The following FYN variants were observed in gnomAD, a reference collection of about 807,000 sequenced individuals.
FYN encodes FYN proto-oncogene, Src family tyrosine kinase.
Under a neutral mutation model 70.2 loss-of-function variants are expected in FYN, and 10 were observed. That is an observed-to-expected ratio of 0.14 (90% CI 0.09 to 0.24). The LOEUF is 0.24. Ranked by LOEUF, FYN falls within the 10% of genes least tolerant of loss-of-function variation. FYN has a pLI of 1.00. For synonymous variants in FYN, 236 were observed against 248.6 expected, an observed-to-expected ratio of 0.95 and a Z score of 0.48; for missense variants, 319 against 673.1, an observed-to-expected ratio of 0.47 and a Z score of 5.82.
intron 9 of FYN, among the ~76,000 whole-genome samples, chr6:111,698,220 A>T (rs1583323146): frequency 6.6e-6 from 1 of 151,490 alleles, no homozygotes; most frequent in Non-Finnish European, 1.5e-5. Flanking sequence ...CGCAACCTCC[A>T]CCTCCCAGGT....
At chr6:111,680,997 C>G (rs1039675798) in intron 12 of FYN, among the ~76,000 whole-genome samples, 4 of 151,956 alleles carry the variant, frequency 2.6e-5, no homozygotes, top group African/African-American at 7.3e-5. Flanking sequence ...GCTAGATGTG[C>G]ACCACCATGC....
At chr6:111,746,847 G>A (rs993202259) in intron 3 of FYN, among the ~76,000 whole-genome samples, 2 of 151,888 alleles carry the variant, frequency 1.3e-5, no homozygotes, top group Non-Finnish European at 2.9e-5. Context: ...GAGAAAGGAA[G>A]GGGGGAAGGA....
intron 6 of FYN, among the ~76,000 whole-genome samples, chr6:111,704,647 G>T (rs563644118): frequency 6.6e-6 from 1 of 151,476 alleles, no homozygotes; most frequent in Admixed American, 6.6e-5. Flanking sequence ...CCAGGTACTC[G>T]GGAGGCTGAG....
intron 2 of FYN, among the ~76,000 whole-genome samples, chr6:111,839,795 T>G (rs1773299457): frequency 6.6e-6 from 1 of 152,150 alleles, no homozygotes; most frequent in African/African-American, 2.4e-5. Flanking sequence ...ACCTAGAGGC[T>G]TGTATCACCA....
intron 1 of FYN, among the ~76,000 whole-genome samples, chr6:111,852,866 G>A (rs1396080689): frequency 2.0e-5 from 3 of 152,114 alleles, no homozygotes; most frequent in East Asian, 1.9e-4. Context: ...CCATGGAAAC[G>A]ATGTCATAGT....
In FYN at chr6:111,846,725, T is replaced by G. The variant is rs1243611791; in HGVS notation, c.-122-96A>C. On this transcript the variant is annotated intron_variant, in intron 1 of 13. Coordinates refer to ENST00000354650, the MANE Select transcript of FYN (RefSeq NM_002037.5). ...CAAAGCACCACCATAGAATTTCCAT[T>G]TGTTGCAGACAATCAATTTGCCCAC... 7 of 398,056 alleles carry G rather than the reference T, an allele frequency of 1.8e-5. No homozygotes were observed. The East Asian group carries it at 2.5e-4, about 14-fold the overall frequency. The allele number at this position is 398,056 out of a possible 1,614,324, so 24.7% of individuals were successfully genotyped here.
chr6:111,700,434 C>T (rs1382748396), intron 8 of FYN, among the ~76,000 whole-genome samples, 166 bp from the exon 9 acceptor site: 1 of 152,176 alleles, frequency 6.6e-6, no homozygotes, highest in South Asian at 2.1e-4. Context: ...GCACACAGCG[C>T]TCCTTAAACA....
intron 2 of FYN, among the ~76,000 whole-genome samples, chr6:111,839,429 A>G (rs969696282): frequency 3.3e-5 from 5 of 152,096 alleles, no homozygotes; most frequent in Non-Finnish European, 7.4e-5. Flanking sequence ...TATCACACAT[A>G]AGCTCAATGC....
chr6:111,764,180 G>A (rs1288073909), intron 3 of FYN, among the ~76,000 whole-genome samples: 4 of 25,630 alleles, frequency 1.6e-4, no homozygotes, highest in African/African-American at 6.5e-4. Flanking sequence ...TGAATAAAAT[G>A]TTAAAAAAGA....
chr6:111,750,644 T>G (rs994269), intron 3 of FYN, among the ~76,000 whole-genome samples: 15,192 of 151,950 alleles, frequency 0.1, 1,533 homozygotes, highest in African/African-American at 0.25. Context: ...TCTCCTCCTT[T>G]CCTCATTTTC....
intron 12 of FYN, among the ~76,000 whole-genome samples, chr6:111,676,920 C>T (rs757150567): frequency 7.9e-5 from 12 of 152,070 alleles, no homozygotes; most frequent in Non-Finnish European, 1.5e-4. Context: ...AAAAAACCAA[C>T]GGCAATATCA....
intron 2 of FYN, among the ~76,000 whole-genome samples, chr6:111,815,985 C>A (rs1772477954): frequency 6.6e-6 from 1 of 152,158 alleles, no homozygotes; most frequent in African/African-American, 2.4e-5. Flanking sequence ...CAAGTGTGAG[C>A]CACCATGCCT....
intron 12 of FYN, among the ~76,000 whole-genome samples, chr6:111,692,236 G>T (rs969642022): frequency 6.6e-6 from 1 of 152,138 alleles, no homozygotes; most frequent in African/African-American, 2.4e-5. Flanking sequence ...CGGGACCCTC[G>T]ATTTGGAAAT....
intron 2 of FYN, among the ~76,000 whole-genome samples, chr6:111,795,101 T>C (rs1771761789): frequency 6.6e-6 from 1 of 152,216 alleles, no homozygotes; most frequent in Non-Finnish European, 1.5e-5. Flanking sequence ...GATAAAAATA[T>C]CAAGGGAACT....
At chr6:111,764,216 C>CAAAAAAAAAAAAAAAAAAAAAAAAAAAAA (rs11409465) in intron 3 of FYN, among the ~76,000 whole-genome samples, 32 of 58,350 alleles carry the variant, frequency 5.5e-4, no homozygotes, top group East Asian at 1.7e-3. Context: ...TTTTGTCAAG[C>CAAAAAAAAAAAAAAAAAAAAAAAAAAAAA]AAAAAAAAAA....
At chr6:111,859,100 T>A (rs1454588597) in intron 1 of FYN, among the ~76,000 whole-genome samples, 1 of 152,058 alleles carries the variant, frequency 6.6e-6, no homozygotes, top group Non-Finnish European at 1.5e-5. Context: ...CCTTTGTCAC[T>A]CCTCTTCCGT....
chr6:111,845,700 A>C (rs1393844335), intron 2 of FYN, among the ~76,000 whole-genome samples: 3 of 152,182 alleles, frequency 2.0e-5, no homozygotes, highest in Non-Finnish European at 4.4e-5. Flanking sequence ...TGGCCAGGGA[A>C]TTGAGGAACA....
intron 2 of FYN, among the ~76,000 whole-genome samples, chr6:111,842,296 G>A (rs1442626907): frequency 2.6e-5 from 4 of 152,254 alleles, no homozygotes; most frequent in South Asian, 2.1e-4. Flanking sequence ...AACAATTCCC[G>A]TCTGCACATA....
intron 2 of FYN, chr6:111,844,628 C>T (rs572060143): frequency 6.6e-6 from 1 of 152,214 alleles, no homozygotes; most frequent in Non-Finnish European, 1.5e-5. Flanking sequence ...AGACTCACTC[C>T]ATCCAAGCAG....
Sources: gnomAD v4.1 joint callset for allele counts (sites outside exome capture counted in the v4.1 genomes callset) on GRCh38, gnomAD v4.1.1 for gene constraint, MANE v1.5 for transcripts, NCBI Gene and HGNC (gene_info 2026-07-23, HGNC 2026-07-21) for gene names.